GPHN: variants seen among roughly 807,000 people sequenced by gnomAD.
GPHN encodes gephyrin.
GPHN carries 17 observed loss-of-function variants against 95.5 expected under a neutral mutation model. The ratio of observed to expected loss-of-function variants is 0.18; its 90% CI spans 0.12 to 0.27. GPHN has a LOEUF of 0.27. Ranked by LOEUF, GPHN falls within the 10% of genes least tolerant of loss-of-function variation. The pLI is 1.00. For missense variants in GPHN, 660 were observed against 978.1 expected (o/e 0.67, Z 4.34); for synonymous variants, 320 against 322.5 (o/e 0.99, Z 0.08).
the GPHN span, chr14:67,203,248 A>C: frequency 6.2e-7 from 1 of 1,609,590 alleles, no homozygotes; most frequent in Non-Finnish European, 8.5e-7. Context: ...ACCCTGTTTA[A>C]AAGTCTCCTG....
chr14:66,630,909 G>A (rs2063771977), intron 1 of GPHN, among the ~76,000 whole-genome samples: 1 of 14,626 alleles, frequency 6.8e-5, no homozygotes, highest in Admixed American at 8.2e-4. Flanking sequence ...CCTATTTAAT[G>A]TGTTTTTTTT....
At chr14:66,964,936 C>G (rs2069209465) in intron 8 of GPHN, among the ~76,000 whole-genome samples, 1 of 152,152 alleles carries the variant, frequency 6.6e-6, no homozygotes, top group South Asian at 2.1e-4. Context: ...AATGACCAAT[C>G]CTTTATTCCT....
At chr14:67,459,777 C>T in the GPHN span, among the ~76,000 whole-genome samples, 14 of 152,218 alleles carry the variant, frequency 9.2e-5, no homozygotes, top group Admixed American at 4.6e-4. Context: ...ACAATTATAT[C>T]GTTGAAGTGC....
chr14:67,278,942 T>G, the GPHN span: 1 of 383,916 alleles, frequency 2.6e-6, no homozygotes, highest in Non-Finnish European at 4.6e-6. Context: ...TGTATGGTGA[T>G]TAGAAGTGGG....
chr14:67,699,178 G>A, the GPHN span, among the ~76,000 whole-genome samples: 43 of 151,842 alleles, frequency 2.8e-4, no homozygotes, highest in Non-Finnish European at 3.1e-4. Flanking sequence ...ACTTGAACCC[G>A]GGAGGCAGAG....
chr14:67,252,750 A>G, the GPHN span, among the ~76,000 whole-genome samples: 3 of 152,336 alleles, frequency 2.0e-5, no homozygotes, highest in Non-Finnish European at 4.4e-5. Context: ...CACATAGTAG[A>G]TGCTTGGTTT....
chr14:66,957,641 AT>A (rs2068617286), intron 8 of GPHN, among the ~76,000 whole-genome samples: 1 of 152,118 alleles, frequency 6.6e-6, no homozygotes, highest in Non-Finnish European at 1.5e-5. Flanking sequence ...CTTCAGAAAA[AT>A]GTGTATTCTG....
chr14:67,678,099 A>G, the GPHN span: 3 of 477,536 alleles, frequency 6.3e-6, no homozygotes, highest in African/African-American at 3.9e-5. Flanking sequence ...TGATATCTCT[A>G]GTAACTCTGG....
chr14:67,349,368 T>G, the GPHN span, among the ~76,000 whole-genome samples: 1 of 152,246 alleles, frequency 6.6e-6, no homozygotes, highest in African/African-American at 2.4e-5. Flanking sequence ...TTGCTTATGT[T>G]TTCAGTCAGA....
chr14:67,025,199 A>G lies in GPHN; in HGVS notation c.1006+1524A>G, dbSNP rs538842940. On this transcript the variant is annotated intron_variant, in intron 10 of 22. Coordinates refer to ENST00000478722, the MANE Select transcript of GPHN (RefSeq NM_020806.5). ...CCTTTGATAATCTAACTAAATTTGA[A>G]AATGCATTTATCCTTGGTAAAAATC... 1.1e-4 allele frequency among the ~76,000 whole-genome samples: 17 copies of G among 152,296 alleles called. No homozygotes were observed. The South Asian group carries it at 3.3e-3, about 30-fold the overall frequency.
At chr14:66,860,706 T>A (rs765466780) in intron 4 of GPHN, among the ~76,000 whole-genome samples, 1 of 151,974 alleles carries the variant, frequency 6.6e-6, no homozygotes, top group South Asian at 2.1e-4. Flanking sequence ...TAATAAGACA[T>A]AAAGAGACAC....
intron 2 of GPHN, among the ~76,000 whole-genome samples, chr14:66,742,037 A>G (rs1392735139): frequency 1.3e-5 from 2 of 152,136 alleles, no homozygotes; most frequent in African/African-American, 2.4e-5. Flanking sequence ...ATACATGTCA[A>G]ACGCTCAGAA....
At chr14:66,970,446 A>T (rs2069675608) in intron 9 of GPHN, among the ~76,000 whole-genome samples, 1 of 152,136 alleles carries the variant, frequency 6.6e-6, no homozygotes, top group African/African-American at 2.4e-5. Flanking sequence ...TTTCTCTGGG[A>T]TGTTTTCCTA....
At chr14:67,418,978 C>G in the GPHN span, among the ~76,000 whole-genome samples, 20 of 152,302 alleles carry the variant, frequency 1.3e-4, no homozygotes, top group South Asian at 8.3e-4. Flanking sequence ...TGCCATCCAC[C>G]TTGCCACCCC....
chr14:67,294,145 G>T, the GPHN span, among the ~76,000 whole-genome samples: 2 of 152,116 alleles, frequency 1.3e-5, no homozygotes, highest in African/African-American at 4.8e-5. Flanking sequence ...GTGAATATAG[G>T]ATAGTTCACT....
At chr14:67,727,016 CT>C in the GPHN span, 1 of 1,613,382 alleles carries the variant, frequency 6.2e-7, no homozygotes, top group Non-Finnish European at 8.5e-7. Context: ...CCTGGAGCGG[CT>C]AAAGGTGTCT....
intron 1 of GPHN, among the ~76,000 whole-genome samples, chr14:66,548,209 C>G (rs1286227708): frequency 1.5e-5 from 2 of 129,196 alleles, no homozygotes; most frequent in East Asian, 4.5e-4. Flanking sequence ...GAGATGGAGT[C>G]TCGCTCTGTC....
the GPHN span, among the ~76,000 whole-genome samples, chr14:67,559,321 C>T: frequency 6.6e-6 from 1 of 152,344 alleles, no homozygotes; most frequent in South Asian, 2.1e-4. Flanking sequence ...CTACTCCTCA[C>T]TATTAACTTT....
intron 2 of GPHN, among the ~76,000 whole-genome samples, chr14:66,722,883 GTTTTT>G (rs2070884837): frequency 2.0e-5 from 3 of 152,116 alleles, no homozygotes; most frequent in Non-Finnish European, 2.9e-5. Flanking sequence ...AATATATTCA[GTTTTT>G]GTCCTGTTCT....
Sources: gnomAD v4.1 joint callset for allele counts (sites outside exome capture counted in the v4.1 genomes callset) on GRCh38, gnomAD v4.1.1 for gene constraint, MANE v1.5 for transcripts, NCBI Gene and HGNC (gene_info 2026-07-23, HGNC 2026-07-21) for gene names.